The following ALK variants were observed in gnomAD, a reference collection of about 807,000 sequenced individuals.
ALK encodes the protein ALK tyrosine kinase receptor.
ALK carries 74 observed loss-of-function variants against 163.1 expected under a neutral mutation model. That is an observed-to-expected ratio of 0.45 (90% CI 0.38 to 0.55). ALK has a LOEUF of 0.55. Ranked by LOEUF, ALK falls within the 20% of genes least tolerant of loss-of-function variation. The pLI is 0.00. For missense variants in ALK, 2,063 were observed against 2,105.3 expected, an observed-to-expected ratio of 0.98 and a Z score of 0.39; for synonymous variants, 960 against 843.2, an observed-to-expected ratio of 1.14 and a Z score of -2.40.
intron 15 of ALK, 126 bp downstream of exon 15, chr2:29,232,178 C>A (rs1558629570): frequency 2.2e-6 from 3 of 1,345,330 alleles, no homozygotes; most frequent in Non-Finnish European, 2.1e-6. Flanking sequence ...ATATCGGTAC[C>A]AATATTCAGA....
intron 3 of ALK, among the ~76,000 whole-genome samples, chr2:29,552,631 T>C (rs1673742818): frequency 6.6e-6 from 1 of 152,222 alleles, no homozygotes; most frequent in Non-Finnish European, 1.5e-5. Context: ...TTTATGTGCT[T>C]ATTGGTCATT....
chr2:29,331,038 C>T (rs539845842), intron 5 of ALK, among the ~76,000 whole-genome samples: 18 of 152,268 alleles, frequency 1.2e-4, no homozygotes, highest in Admixed American at 5.2e-4. Context: ...ACCTGACTCC[C>T]GCTGAAATCC....
intron 5 of ALK, among the ~76,000 whole-genome samples, chr2:29,344,843 T>C (rs1178124067): frequency 6.6e-6 from 1 of 152,160 alleles, no homozygotes; most frequent in Non-Finnish European, 1.5e-5. Flanking sequence ...ACTTGAGTTA[T>C]CCTCAAAGAG....
At chr2:29,804,324 A>T (rs145366994) in intron 1 of ALK, among the ~76,000 whole-genome samples, 1 of 152,062 alleles carries the variant, frequency 6.6e-6, no homozygotes, top group Non-Finnish European at 1.5e-5. Context: ...ATCTCATTCC[A>T]CTCCCAACTA....
At chr2:29,610,318 CT>C (rs1675656854) in intron 3 of ALK, among the ~76,000 whole-genome samples, 2 of 152,116 alleles carry the variant, frequency 1.3e-5, no homozygotes, top group Non-Finnish European at 2.9e-5. Context: ...GCTGCTTGTC[CT>C]TTGCTCTGAC....
At chr2:29,574,997 G>A (rs996295583) in intron 3 of ALK, among the ~76,000 whole-genome samples, 2 of 152,114 alleles carry the variant, frequency 1.3e-5, no homozygotes, top group Admixed American at 6.5e-5. Context: ...CACAACCAGC[G>A]GCACTCCAGC....
chr2:29,347,553 CT>C (rs1667988283), intron 5 of ALK, among the ~76,000 whole-genome samples: 1 of 152,190 alleles, frequency 6.6e-6, no homozygotes, highest in African/African-American at 2.4e-5. Context: ...TTAGCTCCAA[CT>C]TTGTGTCATC....
intron 3 of ALK, among the ~76,000 whole-genome samples, chr2:29,647,779 T>TC (rs1163562883): frequency 9.6e-4 from 114 of 118,218 alleles, no homozygotes; most frequent in African/African-American, 4.5e-3. Context: ...TTTTTTCTTT[T>TC]TTTTTTTTTT....
intron 1 of ALK, among the ~76,000 whole-genome samples, chr2:29,731,081 C>A (rs1042066017): frequency 6.6e-6 from 1 of 152,150 alleles, no homozygotes; most frequent in Non-Finnish European, 1.5e-5. Context: ...GATCTGAGAG[C>A]GCCTCAGAAA....
intron 3 of ALK, among the ~76,000 whole-genome samples, chr2:29,639,929 A>G (rs978503175): frequency 5.9e-5 from 9 of 152,232 alleles, no homozygotes; most frequent in African/African-American, 2.2e-4. Flanking sequence ...ATGCCACCAC[A>G]GTTCTAGGAA....
intron 3 of ALK, among the ~76,000 whole-genome samples, chr2:29,654,841 G>C (rs535714835): frequency 1.3e-5 from 2 of 152,018 alleles, no homozygotes; most frequent in South Asian, 4.2e-4. Context: ...GTCAGTAAAT[G>C]AACTGAGATG....
chr2:29,683,292 G>T (rs545556500), intron 3 of ALK, among the ~76,000 whole-genome samples: 2 of 152,042 alleles, frequency 1.3e-5, no homozygotes, highest in South Asian at 2.1e-4. Context: ...CAGGAGAATC[G>T]CTTGAACCCA....
intron 1 of ALK, among the ~76,000 whole-genome samples, chr2:29,782,962 T>A (rs1345277821): frequency 6.6e-6 from 1 of 152,244 alleles, no homozygotes; most frequent in Non-Finnish European, 1.5e-5. Context: ...TTGCTGTTCA[T>A]GAACATTACT....
At chr2:29,690,204 GT>G (rs1678354769) in intron 3 of ALK, among the ~76,000 whole-genome samples, 1 of 152,200 alleles carries the variant, frequency 6.6e-6, no homozygotes, top group Non-Finnish European at 1.5e-5. Context: ...CTCCAGGATG[GT>G]GTTTCACCAT....
chr2:29,201,676 A>G lies in ALK; in HGVS notation c.3939-4000T>C, dbSNP rs1190187865. ...GTAGCACGCGTCTGTAATCCCAGCT[A>G]CTTGGGAGGCTGAAGTGAGAGGATT... On this transcript the variant is annotated intron_variant, in intron 26 of 28. Transcript: ENST00000389048. 2.6e-5 allele frequency among the ~76,000 whole-genome samples: 4 copies of G among 152,040 alleles called. No individual in the cohort carries two copies. In the East Asian group the frequency reaches 5.8e-4, roughly 22 times the overall value.
At chr2:29,346,778 T>G (rs1667961697) in intron 5 of ALK, among the ~76,000 whole-genome samples, 1 of 152,222 alleles carries the variant, frequency 6.6e-6, no homozygotes, top group African/African-American at 2.4e-5. Flanking sequence ...TTTCACTGGC[T>G]GAACCAGGAA....
intron 2 of ALK, among the ~76,000 whole-genome samples, chr2:29,705,243 A>ATT (rs1678865699): frequency 3.6e-5 from 1 of 27,592 alleles, no homozygotes; most frequent in African/African-American, 2.5e-4. Flanking sequence ...GAAAAGAAAT[A>ATT]TATATATATA....
chr2:29,508,410 G>A (rs558274372), intron 4 of ALK, among the ~76,000 whole-genome samples: 72 of 151,954 alleles, frequency 4.7e-4, no homozygotes, highest in Non-Finnish European at 9.1e-4. Flanking sequence ...CATGGATGAA[G>A]CTGGAAACCA....
chr2:29,546,382 C>G lies in ALK; in HGVS notation c.953-14266G>C, dbSNP rs144070804. Among the ~76,000 whole-genome samples, 1,080 of 152,196 alleles carry G rather than the reference C, an allele frequency of 7.1e-3. 6 individuals carry two copies. Among genetic ancestry groups the G allele is most frequent in the African/African-American group, 0.025 (1,018 of 41,542 alleles). On this transcript the variant is annotated intron_variant, in intron 3 of 28. Coordinates refer to ENST00000389048, the MANE Select transcript of ALK (RefSeq NM_004304.5). ...ACAAAGTGCTGAGAAATCCTTTTTC[C>G]CTAAGAGCTCATTTTGGTAATCCTC...
Sources: allele counts gnomAD v4.1 joint callset (sites outside exome capture counted in the v4.1 genomes callset), GRCh38; gene constraint gnomAD v4.1.1; transcripts MANE v1.5; gene names NCBI Gene and HGNC (gene_info 2026-07-23, HGNC 2026-07-21).